The following QRICH2 variants were observed in gnomAD, a reference collection of about 807,000 sequenced individuals.
QRICH2 encodes the protein glutamine-rich protein 2.
Under a neutral mutation model 168.3 loss-of-function variants are expected in QRICH2, and 119 were observed. The observed-to-expected ratio is 0.71, with a 90% CI of 0.61 to 0.82. The LOEUF is 0.82. Among genes scored for constraint, QRICH2 ranks in the 40% least tolerant of loss-of-function variants. QRICH2 has a pLI of 0.00. For missense variants in QRICH2, 2,241 were observed against 2,491.6 expected (o/e 0.90, Z 2.14); for synonymous variants, 894 against 951.2 (o/e 0.94, Z 1.11).
Position 76,275,809 on chromosome 17 carries a change from G to C in QRICH2, c.5482+10C>G. 6.2e-7 allele frequency: 1 copy of C among 1,603,954 alleles called. No individual in the cohort carries two copies. The highest frequency in any genetic ancestry group is 8.5e-7 in the Non-Finnish European group (1 of 1,179,390). Reference sequence around the variant, plus strand: ...GGCCTGGCAGGACGCCCCACCCAGAGGGAAGCTACCTGAGGTGTTGCCAGC... The same window carrying C: ...GGCCTGGCAGGACGCCCCACCCAGACGGAAGCTACCTGAGGTGTTGCCAGC... On this transcript the variant is annotated intron_variant, in intron 18 of 18. Transcript: ENST00000680821.
At chr17:76,295,564 A>T (rs188269428) in intron 3 of QRICH2, among the ~76,000 whole-genome samples, 160 of 152,130 alleles carry the variant, frequency 1.1e-3, no homozygotes, top group African/African-American at 3.8e-3. Context: ...AATCACTTGA[A>T]CCCAAAAGGC....
At position 76,274,191 on chromosome 17, in the gene QRICH2, G is replaced by A. The variant is rs770433642; in HGVS notation, c.5552C>T (p.Pro1851Leu). The change falls in exon 19 of 19, where the codon CCG (proline) becomes CTG (leucine). Residue 1851 changes from proline to leucine, a missense_variant. Coordinates refer to ENST00000680821, the MANE Select transcript of QRICH2 (RefSeq NM_001388453.1). Reference protein sequence around the residue: ...GRLSQPNTAHPPSSAAVANRG... With the variant: ...GRLSQPNTAHLPSSAAVANRG... ...GTTTGCCACCGCGGCGGAGCTGGGC[G>A]GGTGGGCTGTGTTCGGCTGGGAGAG... 43 of 1,591,792 alleles carry A rather than the reference G, an allele frequency of 2.7e-5. No individual in the cohort carries two copies. Among genetic ancestry groups the A allele is most frequent in the Non-Finnish European group, 3.2e-5 (37 of 1,172,702 alleles).
At chr17:76,285,983 T>C (rs4789269) in intron 7 of QRICH2, among the ~76,000 whole-genome samples, 42,003 of 151,560 alleles carry the variant, frequency 0.28, 6,343 homozygotes, top group African/African-American at 0.39. Flanking sequence ...CCATCCTGGC[T>C]AACACAGTGA....
chr17:76,293,196 C>A lies in QRICH2; in HGVS notation c.1531G>T (p.Asp511Tyr). 1 of 1,614,186 alleles carries A rather than the reference C, an allele frequency of 6.2e-7. No individual in the cohort carries two copies. The highest frequency in any genetic ancestry group is 8.5e-7 in the Non-Finnish European group (1 of 1,180,042). Reference sequence around the variant, plus strand: ...ACAGGCAATGTCAATCCTTGCTGGTCTATACCAGGGGGTACTAGTCCTTGC... The same window carrying A: ...ACAGGCAATGTCAATCCTTGCTGGTATATACCAGGGGGTACTAGTCCTTGC... ...GQQGLVPPGIDQQGLTLPVVD... is the reference protein window; with the variant it reads ...GQQGLVPPGIYQQGLTLPVVD... The change falls in exon 4 of 19, where the codon GAC becomes TAC. Residue 511 changes from aspartate to tyrosine, a missense_variant. By Grantham distance (160) the Asp-to-Tyr change is radical. This residue lies in a region of QRICH2 where 2,047 missense variants were observed against 2,303.8 expected (regional missense o/e 0.89). Coordinates refer to ENST00000680821, the MANE Select transcript of QRICH2 (RefSeq NM_001388453.1).
chr17:76,275,225 C>T (rs2070652928), intron 18 of QRICH2, among the ~76,000 whole-genome samples: 2 of 152,084 alleles, frequency 1.3e-5, no homozygotes, highest in Admixed American at 1.3e-4. Flanking sequence ...AGCACTAACC[C>T]AGCACCCCCT....
chr17:76,307,033 A>C lies in QRICH2; in HGVS notation c.534+432T>G, dbSNP rs753850228. ...CACGTATCTCTTCATGTCCTTATTC[A>C]TTTTAAAAAGGGAATTCACTCTAAG... is the stretch of plus-strand genomic sequence containing the variant. On this transcript the variant is annotated intron_variant, in intron 1 of 18. Transcript: ENST00000680821. This position sits in a 1 kb window ranked among gnomAD's most constrained non-coding sequence, Gnocchi z 5.3. Among the ~76,000 whole-genome samples the C allele has an allele frequency of 5.7e-4, 86 of 151,954 alleles. No individual in the cohort carries two copies. The highest frequency in any genetic ancestry group is 7.8e-4 in the Non-Finnish European group (53 of 67,984).
chr17:76,305,367 T>A (rs1160413803), intron 1 of QRICH2, among the ~76,000 whole-genome samples: 1 of 152,134 alleles, frequency 6.6e-6, no homozygotes, highest in East Asian at 1.9e-4. Context: ...GATCTTGCAA[T>A]GTTGCCCAGG....
At chr17:76,276,833 G>C (rs551437562) in intron 16 of QRICH2, 66 bp from the exon 17 acceptor site, 2 of 1,255,866 alleles carry the variant, frequency 1.6e-6, no homozygotes, top group Admixed American at 1.8e-5. Flanking sequence ...CCCTTCACAC[G>C]GGACTGAGGC....
chr17:76,297,258 A>C (rs2070811875), intron 3 of QRICH2, among the ~76,000 whole-genome samples: 1 of 152,262 alleles, frequency 6.6e-6, no homozygotes, highest in African/African-American at 2.4e-5. Flanking sequence ...GGTAATCCCA[A>C]CACTTTGGGA....
chr17:76,277,415 T>G, intron 15 of QRICH2, 105 bp from the exon 16 acceptor site: 6 of 1,361,734 alleles, frequency 4.4e-6, no homozygotes, highest in Non-Finnish European at 6.1e-6. Flanking sequence ...ACAGCTTCTC[T>G]TCGGGGGCTG....
At chr17:76,289,335 C>T (rs2070946469) in intron 5 of QRICH2, among the ~76,000 whole-genome samples, 1 of 151,918 alleles carries the variant, frequency 6.6e-6, no homozygotes, top group Non-Finnish European at 1.5e-5. Flanking sequence ...TACAGGCATG[C>T]ACCACCATGT....
In QRICH2 at chr17:76,304,275, G is replaced by A. The variant is rs547975705; in HGVS notation, c.705+140C>T. On this transcript the variant is annotated intron_variant, in intron 3 of 18. Transcript: ENST00000680821. ...GAATGACACCTTGTTCTTAAGATTG[G>A]AAAAAGCATTTAAAACACCCATATC... 5 of 605,664 alleles carry A rather than the reference G, an allele frequency of 8.3e-6. No homozygotes were observed. The East Asian group carries it at 1.4e-4, about 17-fold the overall frequency. 37.5% of individuals were successfully genotyped at this position (605,664 alleles called of 1,614,324 possible).
intron 13 of QRICH2, 43 bp downstream of exon 13, chr17:76,279,320 G>C (rs1379741742): frequency 6.5e-7 from 1 of 1,542,046 alleles, no homozygotes; most frequent in African/African-American, 1.4e-5. Context: ...AGGAGACGCA[G>C]CCCTGCCATG....
intron 4 of QRICH2, 136 bp downstream of exon 4, chr17:76,290,879 T>C (rs1308117344): frequency 4.4e-6 from 6 of 1,354,530 alleles, no homozygotes; most frequent in Non-Finnish European, 6.0e-6. Context: ...CTGTGGGACA[T>C]GCTCTGAATG....
chr17:76,275,200 G>T (rs1156469254), intron 18 of QRICH2, among the ~76,000 whole-genome samples: 1 of 152,046 alleles, frequency 6.6e-6, no homozygotes, highest in Non-Finnish European at 1.5e-5. Flanking sequence ...TCTTGGGGGG[G>T]GCCTGACTCC....
chr17:76,307,933 C>G lies in QRICH2; in HGVS notation c.66G>C (p.Val22=). 8.1e-7 allele frequency: 1 copy of G among 1,237,528 alleles called. No homozygotes were observed. Among genetic ancestry groups the G allele is most frequent in the South Asian group, 3.9e-5 (1 of 25,392 alleles). The allele number at this position is 1,237,528 out of a possible 1,614,324, so 76.7% of individuals were successfully genotyped here. The change falls in exon 1 of 19, where the codon GTG becomes GTC. Residue 22 remains valine (V), a synonymous_variant. Coordinates refer to ENST00000680821, the MANE Select transcript of QRICH2 (RefSeq NM_001388453.1). The surrounding 1 kb of genome is among the most constrained non-coding windows in gnomAD (Gnocchi z 5.3). ...LADLSIGTPE[V]GAVNFTALHT... ...GCAGGGCCGTGAAGTTGACGGCGCC[C>G]ACCTCTGGCGTGCCGATGGAGAGGT...
chr17:76,308,744 A>G (rs78186920), upstream of QRICH2, among the ~76,000 whole-genome samples: 4,957 of 151,992 alleles, frequency 0.033, 292 homozygotes, highest in African/African-American at 0.11. Context: ...CTGTGCTGCC[A>G]TAATTTTTTT....
In QRICH2 at chr17:76,292,774, G is replaced by T. The variant is rs1018161282; in HGVS notation, c.1953C>A (p.Val651=). 7 of 1,612,472 alleles carry T rather than the reference G, an allele frequency of 4.3e-6. No homozygotes were observed. The highest frequency in any genetic ancestry group is 5.9e-6 in the Non-Finnish European group (7 of 1,179,758). The change falls in exon 4 of 19, where the codon GTC becomes GTA. Residue 651 remains valine (V), a synonymous_variant. Coordinates refer to ENST00000680821, the MANE Select transcript of QRICH2 (RefSeq NM_001388453.1). ...IQPGTGQHDL[V]QSGTGQGVLV... ...AGACACCCTGACCTGTGCCAGATTG[G>T]ACCAAATCATGCTGACCTGTGCCAG...
At position 76,292,919 on chromosome 17, in the gene QRICH2, G is replaced by C; in HGVS notation, c.1808C>G (p.Pro603Arg). Residue 603 changes from proline (P) to arginine (R), a missense_variant, in exon 4 of 19, where the codon CCT (proline) becomes CGT (arginine). Coordinates refer to ENST00000680821, the MANE Select transcript of QRICH2 (RefSeq NM_001388453.1). The part of the protein sequence containing the change: ...PGADQRGLVR[P>R]GMDQSGLAQP... ...GGCCAAACCAGACTGATCCATTCCAGGCCGGACCAAACCACGCTGATCTGC... is the reference window on the plus strand; with the variant it reads ...GGCCAAACCAGACTGATCCATTCCACGCCGGACCAAACCACGCTGATCTGC... 1.2e-6 allele frequency: 2 copies of C among 1,607,910 alleles called. No homozygotes were observed. The highest frequency in any genetic ancestry group is 1.7e-6 in the Non-Finnish European group (2 of 1,179,406).
Sources: gnomAD v4.1 joint callset for allele counts (sites outside exome capture counted in the v4.1 genomes callset) on GRCh38, gnomAD v4.1.1 for gene constraint, gnomAD v4.1.1 regional missense constraint, Gnocchi (gnomAD v3.1) non-coding constraint, MANE v1.5 for transcripts, NCBI Gene and HGNC (gene_info 2026-07-23, HGNC 2026-07-21) for gene names.